RGS12: variants seen among roughly 807,000 people sequenced by gnomAD.
RGS12 encodes regulator of G-protein signaling 12.
In RGS12, 66 loss-of-function variants were observed where a neutral mutation model predicts 120.1. The ratio of observed to expected loss-of-function variants is 0.55; its 90% CI spans 0.45 to 0.67. The LOEUF is 0.67. RGS12 is among the 30% of genes least tolerant of loss of function. The probability of loss-of-function intolerance (pLI) is 0.00; values close to 1 mark genes in which losing one functional copy is unlikely to be tolerated. For missense variants in RGS12, 1,859 were observed against 1,957.7 expected (o/e 0.95, Z 0.95); for synonymous variants, 827 against 804.7 (o/e 1.03, Z -0.47).
At chr4:3,363,172 C>G (rs1175787955) in intron 3 of RGS12, among the ~76,000 whole-genome samples, 1 of 149,450 alleles carries the variant, frequency 6.7e-6, no homozygotes, top group African/African-American at 2.5e-5. Context: ...TGTGAGTGTG[C>G]GTCAGTGAGT....
At chr4:3,300,192 A>G (rs942392326) in intron 1 of RGS12, among the ~76,000 whole-genome samples, 2 of 152,204 alleles carry the variant, frequency 1.3e-5, no homozygotes, top group Non-Finnish European at 2.9e-5. Flanking sequence ...GGAGGCGCCC[A>G]GGCCTTCACT....
chr4:3,436,399 A>G (rs1724810535), intron 17 of RGS12, among the ~76,000 whole-genome samples: 1 of 151,998 alleles, frequency 6.6e-6, no homozygotes, highest in African/African-American at 2.4e-5. Context: ...GGCGCTGGGG[A>G]GGCTTCACAG....
At chr4:3,368,281 C>T (rs1716549200) in intron 3 of RGS12, among the ~76,000 whole-genome samples, 1 of 152,192 alleles carries the variant, frequency 6.6e-6, no homozygotes, top group South Asian at 2.1e-4. Context: ...CCCCAGAACC[C>T]CTTGCTGTTG....
chr4:3,364,384 GTGGGTGT>G (rs1716073174), intron 3 of RGS12, among the ~76,000 whole-genome samples: 1 of 152,204 alleles, frequency 6.6e-6, no homozygotes, highest in African/African-American at 2.4e-5. Context: ...CCCTGGCAGG[GTGGGTGT>G]ATCCGCAGAA....
chr4:3,434,681 C>T (rs977904437), intron 17 of RGS12, among the ~76,000 whole-genome samples: 7 of 152,240 alleles, frequency 4.6e-5, no homozygotes, highest in African/African-American at 1.7e-4. Context: ...AGGTCGCGTG[C>T]ACCCACACCC....
intron 1 of RGS12, among the ~76,000 whole-genome samples, chr4:3,301,890 G>C (rs1369800108): frequency 2.0e-5 from 3 of 152,158 alleles, no homozygotes; most frequent in Non-Finnish European, 4.4e-5. Context: ...CTCTCTCCAG[G>C]GCTAGACTTG....
chr4:3,370,063 C>A, intron 3 of RGS12: 1 of 1,263,490 alleles, frequency 7.9e-7, no homozygotes. Flanking sequence ...GTAAACGGCG[C>A]TTCTTTCTTT....
At chr4:3,400,626 G>A (rs1392760598) in intron 4 of RGS12, among the ~76,000 whole-genome samples, 1 of 148,802 alleles carries the variant, frequency 6.7e-6, no homozygotes. Flanking sequence ...TATTCTATTA[G>A]TAATAGTATT....
At chr4:3,381,397 T>C (rs1056939277) in intron 3 of RGS12, among the ~76,000 whole-genome samples, 2 of 152,234 alleles carry the variant, frequency 1.3e-5, no homozygotes, top group Non-Finnish European at 2.9e-5. Context: ...ACCCTACTTC[T>C]GGTAGCAATT....
At position 3,312,271 on chromosome 4, in the gene RGS12, T is replaced by C. The variant is rs192941415; in HGVS notation, c.-101-3799T>C. ...AAAATTAAACTATAAGCTGAACTTA[T>C]GTGATTATTTTGGGAGGCCAAGGTG... is the stretch of plus-strand genomic sequence containing the variant. On this transcript the variant is annotated intron_variant, in intron 1 of 17. Transcript: ENST00000336727. 5.8e-3 allele frequency among the ~76,000 whole-genome samples: 882 copies of C among 152,336 alleles called. 7 individuals are homozygous for C. The highest frequency in any genetic ancestry group is 0.02 in the African/African-American group (848 of 41,574).
intron 3 of RGS12, among the ~76,000 whole-genome samples, chr4:3,346,755 C>T (rs747192561): frequency 5.9e-5 from 9 of 152,146 alleles, no homozygotes; most frequent in Non-Finnish European, 1.3e-4. Context: ...AAAATCACTC[C>T]GATTTTAACA....
chr4:3,360,589 A>T (rs770436753), intron 3 of RGS12, among the ~76,000 whole-genome samples: 1 of 152,146 alleles, frequency 6.6e-6, no homozygotes, highest in Non-Finnish European at 1.5e-5. Flanking sequence ...TTTGTCTCAG[A>T]TATTTTCTAA....
chr4:3,423,760 T>A, intron 13 of RGS12, 119 bp downstream of exon 13: 1 of 1,317,060 alleles, frequency 7.6e-7, no homozygotes, highest in Admixed American at 2.2e-5. Flanking sequence ...CCTGATCTGG[T>A]TGTCCCCCTT....
chr4:3,361,573 G>C (rs906103662), intron 3 of RGS12, among the ~76,000 whole-genome samples: 3 of 152,194 alleles, frequency 2.0e-5, no homozygotes, highest in African/African-American at 7.2e-5. Context: ...CCTGTGAGCC[G>C]GGTGGGATGG....
chr4:3,332,035 C>T (rs1298810905), intron 2 of RGS12, among the ~76,000 whole-genome samples: 1 of 152,158 alleles, frequency 6.6e-6, no homozygotes, highest in East Asian at 1.9e-4. Flanking sequence ...TGGACAGAAG[C>T]CCCCACCGTC....
chr4:3,350,938 A>G (rs1485295663), intron 3 of RGS12, among the ~76,000 whole-genome samples: 1 of 151,474 alleles, frequency 6.6e-6, no homozygotes, highest in Non-Finnish European at 1.5e-5. Context: ...TTGGTCATGA[A>G]ACAGAAAAAC....
chr4:3,362,843 G>A (rs1715824476), intron 3 of RGS12, among the ~76,000 whole-genome samples: 1 of 145,218 alleles, frequency 6.9e-6, no homozygotes, highest in South Asian at 2.3e-4. Context: ...GTGTGAGACT[G>A]AGTGTGAGGG....
chr4:3,309,167 GA>G (rs1560645053), intron 1 of RGS12, among the ~76,000 whole-genome samples: 29 of 7,642 alleles, frequency 3.8e-3, no homozygotes, highest in Admixed American at 7.0e-3. Flanking sequence ...GAACCGTGTT[GA>G]GGAGGAGCTG....
intron 17 of RGS12, 68 bp from the exon 18 acceptor site, chr4:3,439,387 T>G: frequency 6.7e-7 from 1 of 1,490,226 alleles, no homozygotes; most frequent in Non-Finnish European, 9.3e-7. Context: ...GCCTTCGGGG[T>G]AGGGGGTGGG....
Sources: allele counts gnomAD v4.1 joint callset (sites outside exome capture counted in the v4.1 genomes callset), GRCh38; gene constraint gnomAD v4.1.1; transcripts MANE v1.5; gene names NCBI Gene and HGNC (gene_info 2026-07-23, HGNC 2026-07-21).